The following SLC44A5 variants were observed in gnomAD, a reference collection of about 807,000 sequenced individuals.
SLC44A5 encodes solute carrier family 44 member 5, also known as choline transporter-like protein 5.
Under a neutral mutation model 101.8 loss-of-function variants are expected in SLC44A5, and 57 were observed. The observed-to-expected ratio is 0.56, with a 90% confidence interval of 0.45 to 0.70. The LOEUF (loss-of-function observed/expected upper bound fraction) is 0.70, where lower values mean the gene tolerates loss of function less well. SLC44A5 is among the 30% of genes least tolerant of loss of function. SLC44A5 has a pLI of 0.00. For synonymous variants in SLC44A5, 281 were observed against 290.9 expected (o/e 0.97, Z 0.35); for missense variants, 737 against 853.1 (o/e 0.86, Z 1.70).
the SLC44A5 span, among the ~76,000 whole-genome samples, chr1:75,706,003 C>T: frequency 6.6e-6 from 1 of 152,076 alleles, no homozygotes; most frequent in Non-Finnish European, 1.5e-5. Context: ...TTTGTTAATT[C>T]CATTACTTAT....
intron 3 of SLC44A5, among the ~76,000 whole-genome samples, chr1:75,352,398 G>A (rs893032033): frequency 6.6e-6 from 1 of 150,564 alleles, no homozygotes; most frequent in African/African-American, 2.5e-5. Context: ...TGTTCCCCCC[G>A]ATGTGTCCAT....
intron 2 of SLC44A5, among the ~76,000 whole-genome samples, chr1:75,445,831 A>G (rs1306005745): frequency 2.0e-5 from 3 of 152,144 alleles, no homozygotes; most frequent in African/African-American, 7.2e-5. Flanking sequence ...CAACATGTCC[A>G]AAACAAACTT....
the SLC44A5 span, among the ~76,000 whole-genome samples, chr1:75,669,570 G>C: frequency 4.6e-5 from 7 of 152,124 alleles, no homozygotes; most frequent in Non-Finnish European, 8.8e-5. Flanking sequence ...TTTAATCTCT[G>C]GGAATGAAAC....
intron 1 of SLC44A5, among the ~76,000 whole-genome samples, chr1:75,565,282 A>C (rs995905330): frequency 1.3e-5 from 2 of 152,230 alleles, no homozygotes; most frequent in Non-Finnish European, 2.9e-5. Context: ...GGAAGGATGC[A>C]AAACACTGAT....
At chr1:75,340,826 G>T (rs535769341) in intron 3 of SLC44A5, among the ~76,000 whole-genome samples, 13 of 152,178 alleles carry the variant, frequency 8.5e-5, no homozygotes, top group Non-Finnish European at 1.8e-4. Context: ...TATAAACCTC[G>T]CAAACAAGAG....
At chr1:75,482,574 C>G (rs1667934254) in intron 2 of SLC44A5, among the ~76,000 whole-genome samples, 1 of 152,058 alleles carries the variant, frequency 6.6e-6, no homozygotes, top group South Asian at 2.1e-4. Flanking sequence ...TTTCAGTTTC[C>G]TTGTCTGAAA....
chr1:75,558,505 T>C (rs1223531349), intron 1 of SLC44A5, among the ~76,000 whole-genome samples: 3 of 152,086 alleles, frequency 2.0e-5, no homozygotes, highest in Non-Finnish European at 4.4e-5. Context: ...CACCGTTGAT[T>C]TGCCATTCCA....
Position 75,475,044 on chromosome 1 carries a change from C to A in SLC44A5, c.13+66391G>T, listed in dbSNP as rs191934893. On this transcript the variant is annotated intron_variant, in intron 2 of 23. Coordinates refer to ENST00000370859, the MANE Select transcript of SLC44A5 (RefSeq NM_001130058.2). ...TGTCGCCCCTGAGTTATTCACACAT[C>A]AGCAGGAAGTGAAATGAGGAGCCTG... Among the ~76,000 whole-genome samples, 55 of 152,318 alleles carry A rather than the reference C, an allele frequency of 3.6e-4. 1 individual carries two copies. The highest frequency in any genetic ancestry group is 1.3e-3 in the African/African-American group (55 of 41,572).
intron 5 of SLC44A5, among the ~76,000 whole-genome samples, chr1:75,285,443 T>G (rs1016737825): frequency 1.3e-5 from 2 of 151,908 alleles, no homozygotes; most frequent in Non-Finnish European, 2.9e-5. Context: ...TTTGTTTCAT[T>G]TATCATTTTT....
the SLC44A5 span, among the ~76,000 whole-genome samples, chr1:75,619,999 C>T: frequency 1.3e-5 from 2 of 152,258 alleles, no homozygotes; most frequent in South Asian, 4.2e-4. Context: ...CACTCACTGA[C>T]AGACCCCAGT....
intron 7 of SLC44A5, among the ~76,000 whole-genome samples, chr1:75,250,361 C>G (rs1221810624): frequency 3.3e-5 from 5 of 152,142 alleles, no homozygotes; most frequent in African/African-American, 4.8e-5. Context: ...CATAGTATTC[C>G]ATGGTGTATA....
chr1:75,548,761 G>A (rs552990443), intron 1 of SLC44A5, among the ~76,000 whole-genome samples: 71 of 152,216 alleles, frequency 4.7e-4, no homozygotes, highest in African/African-American at 1.6e-3. Flanking sequence ...GGACCTTGGT[G>A]GTCATATTCA....
At chr1:75,393,984 G>A (rs575549232) in intron 3 of SLC44A5, among the ~76,000 whole-genome samples, 3 of 152,286 alleles carry the variant, frequency 2.0e-5, no homozygotes, top group African/African-American at 7.2e-5. Flanking sequence ...CAGGGCTAGA[G>A]ATGTAAATCT....
Position 75,291,734 on chromosome 1 carries a change from G to A in SLC44A5, c.175+8878C>T, listed in dbSNP as rs185529393. ...GCTTACACAGAAAGCAGGGTAGGCC[G>A]GGCACGTTGGCTCACACCTGTAATC... is the stretch of plus-strand genomic sequence containing the variant. On this transcript the variant is annotated intron_variant, in intron 5 of 23. Transcript: ENST00000370859. Among the ~76,000 whole-genome samples the A allele has an allele frequency of 2.6e-3, 401 of 152,168 alleles. 1 individual carries two copies. Among genetic ancestry groups the A allele is most frequent in the African/African-American group, 8.3e-3 (343 of 41,496 alleles).
At chr1:75,222,487 C>A (rs1343790740) in intron 13 of SLC44A5, 27 bp from the exon 14 acceptor site, 4 of 1,414,906 alleles carry the variant, frequency 2.8e-6, no homozygotes, top group Non-Finnish European at 3.0e-6. Flanking sequence ...AAAAATCAGT[C>A]TGTAATACAA....
chr1:75,472,618 T>C (rs902332927), intron 2 of SLC44A5, among the ~76,000 whole-genome samples: 3 of 152,194 alleles, frequency 2.0e-5, no homozygotes, highest in African/African-American at 7.2e-5. Flanking sequence ...TTCAACTCAC[T>C]TTTTTCTAGG....
Position 75,352,204 on chromosome 1 carries a change from A to G in SLC44A5, c.53-12574T>C, listed in dbSNP as rs193231397. On this transcript the variant is annotated intron_variant, in intron 3 of 23. Transcript: ENST00000370859. ...CTTCTTTGTCTCTTTTTTTTCTTCA[A>G]CTTTTATCTTAAGTTTCAAGGTATA... Among the ~76,000 whole-genome samples, 123 of 151,992 alleles carry G rather than the reference A, an allele frequency of 8.1e-4. 1 individual carries two copies. Among genetic ancestry groups the G allele is most frequent in the African/African-American group, 2.7e-3 (113 of 41,488 alleles).
intron 2 of SLC44A5, among the ~76,000 whole-genome samples, chr1:75,535,545 T>C (rs1670950839): frequency 6.6e-6 from 1 of 152,142 alleles, no homozygotes; most frequent in African/African-American, 2.4e-5. Context: ...TGGTGTACCA[T>C]GAATTGGGGT....
At chr1:75,409,068 A>G (rs1663101122) in intron 2 of SLC44A5, among the ~76,000 whole-genome samples, 1 of 152,188 alleles carries the variant, frequency 6.6e-6, no homozygotes, top group African/African-American at 2.4e-5. Flanking sequence ...GCTGGAGGCC[A>G]TTATCCTAAG....
Sources: gnomAD v4.1 joint callset for allele counts (sites outside exome capture counted in the v4.1 genomes callset) on GRCh38, gnomAD v4.1.1 for gene constraint, MANE v1.5 for transcripts, NCBI Gene and HGNC (gene_info 2026-07-23, HGNC 2026-07-21) for gene names.